The following DENND4C variants were observed in gnomAD, a reference collection of about 807,000 sequenced individuals.
The protein encoded by DENND4C is DENN domain-containing protein 4C.
Under a neutral mutation model 203.0 loss-of-function variants are expected in DENND4C, and 108 were observed. The observed-to-expected ratio is 0.53, with a 90% CI of 0.46 to 0.62. DENND4C has a LOEUF of 0.62. DENND4C is among the 20% of genes least tolerant of loss of function. The pLI is 0.00. For synonymous variants in DENND4C, 871 were observed against 792.4 expected (o/e 1.10, Z -1.67); for missense variants, 2,481 against 2,301.2 (o/e 1.08, Z -1.60).
intron 2 of DENND4C, among the ~76,000 whole-genome samples, chr9:19,286,331 A>T (rs1454483497): frequency 6.6e-6 from 1 of 152,144 alleles, no homozygotes; most frequent in African/African-American, 2.4e-5. Flanking sequence ...AATTTCTTTA[A>T]ATAACGTTTT....
At chr9:19,256,957 C>T (rs1828123976) in intron 1 of DENND4C, among the ~76,000 whole-genome samples, 1 of 151,742 alleles carries the variant, frequency 6.6e-6, no homozygotes, top group Non-Finnish European at 1.5e-5. Flanking sequence ...GCAGTCCCAG[C>T]TACTCAGGAG....
chr9:19,295,075 TA>T (rs1217241346), intron 5 of DENND4C, among the ~76,000 whole-genome samples: 8 of 151,730 alleles, frequency 5.3e-5, no homozygotes, highest in Admixed American at 3.3e-4. Flanking sequence ...TCACCCCAAT[TA>T]AAAAAAAATC....
intron 2 of DENND4C, 93 bp from the exon 3 acceptor site, chr9:19,286,676 G>A: frequency 8.7e-7 from 1 of 1,143,464 alleles, no homozygotes; most frequent in Non-Finnish European, 1.1e-6. Context: ...AAGAAAACCA[G>A]CATTAACCTG....
chr9:19,250,609 C>T (rs936120369), intron 1 of DENND4C, among the ~76,000 whole-genome samples: 4 of 152,158 alleles, frequency 2.6e-5, no homozygotes, highest in African/African-American at 7.2e-5. Flanking sequence ...TTTCCTCCGC[C>T]GATTAGCTTG....
At chr9:19,312,801 A>T (rs915225664) in intron 10 of DENND4C, among the ~76,000 whole-genome samples, 1 of 152,242 alleles carries the variant, frequency 6.6e-6, no homozygotes, top group Non-Finnish European at 1.5e-5. Flanking sequence ...TCTTGTAGCC[A>T]CTTTAAAAAA....
At chr9:19,286,698 C>CTA in intron 2 of DENND4C, 71 bp from the exon 3 acceptor site, 1 of 1,155,174 alleles carries the variant, frequency 8.7e-7, no homozygotes, top group Non-Finnish European at 1.1e-6. Flanking sequence ...AATGCATGTA[C>CTA]TATATATATG....
intron 30 of DENND4C, 114 bp from the exon 31 acceptor site, chr9:19,369,723 C>T: frequency 1.7e-6 from 1 of 581,660 alleles, no homozygotes. Flanking sequence ...GCCATGATCA[C>T]ATCACTGCAC....
chr9:19,371,595 CTCATA>C (rs1385201267), intron 31 of DENND4C, 156 bp from the exon 32 acceptor site: 1 of 430,494 alleles, frequency 2.3e-6, no homozygotes. Context: ...AATGTGACAC[CTCATA>C]TAACTAACTG....
In DENND4C at chr9:19,346,653, T is replaced by A. The variant is rs1230404438; in HGVS notation, c.3884T>A (p.Leu1295Gln). The A allele has an allele frequency of 6.2e-7, 1 of 1,613,974 alleles. No homozygotes were observed. The highest frequency in any genetic ancestry group is 8.5e-7 in the Non-Finnish European group (1 of 1,180,022). The part of the protein sequence containing the change: ...IESYMNLKSP[L>Q]GSKSSSMELH... ...AGCTATATGAACCTAAAAAGTCCCCTAGGTAGTAAATCTTCTAGTATGGAA... is the reference window on the plus strand; with the variant it reads ...AGCTATATGAACCTAAAAAGTCCCCAAGGTAGTAAATCTTCTAGTATGGAA... Residue 1295 changes from leucine (L) to glutamine (Q), a missense_variant, in exon 23 of 33, where the codon CTA (leucine) becomes CAA (glutamine). Coordinates refer to ENST00000434457, the MANE Select transcript of DENND4C (RefSeq NM_001330640.2).
chr9:19,266,238 G>T (rs1412098497), intron 1 of DENND4C, among the ~76,000 whole-genome samples: 17 of 152,128 alleles, frequency 1.1e-4, no homozygotes, highest in African/African-American at 3.6e-4. Flanking sequence ...GTGTCTGTTG[G>T]CTGCATAAAT....
chr9:19,301,566 A>G (rs1197609027), intron 9 of DENND4C, among the ~76,000 whole-genome samples: 1 of 152,180 alleles, frequency 6.6e-6, no homozygotes, highest in East Asian at 1.9e-4. Flanking sequence ...TACTTTTCCA[A>G]GTCATCACAG....
intron 2 of DENND4C, among the ~76,000 whole-genome samples, chr9:19,278,809 G>A (rs1295160100): frequency 6.6e-6 from 1 of 152,112 alleles, no homozygotes; most frequent in African/African-American, 2.4e-5. Flanking sequence ...TATGAGCCAG[G>A]TTAGAAAGAC....
chr9:19,266,935 A>T (rs1830624167), intron 1 of DENND4C, among the ~76,000 whole-genome samples: 1 of 152,188 alleles, frequency 6.6e-6, no homozygotes, highest in Admixed American at 6.5e-5. Context: ...TTCATGACTA[A>T]AACTGATTTC....
intron 23 of DENND4C, among the ~76,000 whole-genome samples, chr9:19,350,175 A>G (rs1362723588): frequency 6.6e-6 from 1 of 152,188 alleles, no homozygotes; most frequent in Non-Finnish European, 1.5e-5. Context: ...TCTAATATTG[A>G]TATTTGTTAT....
chr9:19,354,849 T>A (rs1205917742), intron 26 of DENND4C, among the ~76,000 whole-genome samples: 1 of 150,842 alleles, frequency 6.6e-6, no homozygotes, highest in African/African-American at 2.4e-5. Context: ...CCTGGCCTGC[T>A]CTAGCATTTT....
rs184967832 is a variant in DENND4C at position 19,237,063 on chromosome 9, C to T, written c.-18+6230C>T. Among the ~76,000 whole-genome samples, 26 of 152,218 alleles carry T rather than the reference C, an allele frequency of 1.7e-4. No homozygotes were observed. The East Asian group carries it at 3.7e-3, about 21-fold the overall frequency. On this transcript the variant is annotated intron_variant, in intron 1 of 32. Coordinates refer to ENST00000434457, the MANE Select transcript of DENND4C (RefSeq NM_001330640.2). ...GAGACGGAGTTTTGCTCTTGTTGCCCGGGCTGGAGTGCAATGGCACGATCT... is the reference window on the plus strand; with the variant it reads ...GAGACGGAGTTTTGCTCTTGTTGCCTGGGCTGGAGTGCAATGGCACGATCT...
intron 3 of DENND4C, among the ~76,000 whole-genome samples, chr9:19,287,570 C>G (rs1231447444): frequency 6.6e-6 from 1 of 152,048 alleles, no homozygotes; most frequent in Non-Finnish European, 1.5e-5. Flanking sequence ...TGGTCTTGAA[C>G]TCTTGACCTT....
rs953701802 is a variant in DENND4C at position 19,302,841 on chromosome 9, C to T, written c.1311+2510C>T. ...AGCTGTTCCTTCTCATTAAAGCACT[C>T]TTCTCTTATATATCCCCTTGGCTAA... On this transcript the variant is annotated intron_variant, in intron 9 of 32. Transcript: ENST00000434457. Among the ~76,000 whole-genome samples the T allele has an allele frequency of 4.6e-5, 7 of 152,148 alleles. 1 individual carries two copies. The highest frequency in any genetic ancestry group is 1.7e-4 in the African/African-American group (7 of 41,426).
chr9:19,355,950 T>C (rs1438381414), intron 26 of DENND4C, among the ~76,000 whole-genome samples: 1 of 152,176 alleles, frequency 6.6e-6, no homozygotes, highest in Non-Finnish European at 1.5e-5. Flanking sequence ...CCTATACTTT[T>C]TGAGTTAATT....
Sources: gnomAD v4.1 joint callset for allele counts (sites outside exome capture counted in the v4.1 genomes callset) on GRCh38, gnomAD v4.1.1 for gene constraint, MANE v1.5 for transcripts, NCBI Gene and HGNC (gene_info 2026-07-23, HGNC 2026-07-21) for gene names.